Variants in TENT5D observed in about 807,000 individuals in gnomAD.
TENT5D encodes terminal nucleotidyltransferase 5D.
For missense variants in TENT5D, 191 were observed against 287.0 expected (o/e 0.67, Z 2.42); for synonymous variants, 103 against 100.6 (o/e 1.02, Z -0.15).
At chrX:80,402,505 CT>C (rs2147546304) in intron 3 of TENT5D, among the ~76,000 whole-genome samples, 1 of 111,607 alleles carries the variant, frequency 9.0e-6, no homozygotes, top group African/African-American at 3.2e-5. Flanking sequence ...TTGCAGTCTT[CT>C]TTTTTGATAT....
intron 3 of TENT5D, among the ~76,000 whole-genome samples, chrX:80,400,941 A>G (rs746545327): frequency 6.3e-5 from 7 of 111,431 alleles, no homozygotes; most frequent in South Asian, 7.5e-4. Flanking sequence ...TTATTTTTCT[A>G]TATGTTTGAA....
chrX:80,431,358 A>T (rs1474717006), intron 1 of TENT5D, among the ~76,000 whole-genome samples: 1 of 111,815 alleles, frequency 8.9e-6, no homozygotes, highest in African/African-American at 3.3e-5. Flanking sequence ...CTCCCCAAGG[A>T]GAAAAATTCC....
At chrX:80,443,588 A>G (rs765671795) in exon 3 of TENT5D, 3 of 1,210,939 alleles carry the variant, frequency 2.5e-6, no homozygotes, top group Non-Finnish European at 3.4e-6. Flanking sequence ...TGCTTTTATC[A>G]GCCTGCTCCG....
chrX:80,357,471 G>A (rs1228524596), intron 3 of TENT5D, among the ~76,000 whole-genome samples: 1 of 109,549 alleles, frequency 9.1e-6, no homozygotes, highest in African/African-American at 3.3e-5. Context: ...GTGTGAGATG[G>A]TATCTCATTG....
chrX:80,397,179 G>A (rs1159522400), intron 3 of TENT5D, among the ~76,000 whole-genome samples: 9 of 104,843 alleles, frequency 8.6e-5, no homozygotes, highest in South Asian at 4.6e-4. Flanking sequence ...CAGATGGGGC[G>A]GTTGCCAGGT....
chrX:80,351,724 A>T (rs1930182459), intron 3 of TENT5D, among the ~76,000 whole-genome samples: 2 of 110,147 alleles, frequency 1.8e-5, no homozygotes, highest in African/African-American at 6.6e-5. Context: ...GGAGGAGAGG[A>T]GGCGTTCCGG....
intron 3 of TENT5D, among the ~76,000 whole-genome samples, chrX:80,387,398 G>A (rs748383537): frequency 1.1e-3 from 125 of 111,791 alleles, no homozygotes; most frequent in African/African-American, 3.7e-3. Flanking sequence ...CCAGATATTC[G>A]AAGGAACTTG....
At chrX:80,394,973 A>G (rs1236414135) in intron 3 of TENT5D, among the ~76,000 whole-genome samples, 5 of 111,600 alleles carry the variant, frequency 4.5e-5, no homozygotes, top group Non-Finnish European at 9.4e-5. Flanking sequence ...TATTTCTCCT[A>G]TCTAATTGTA....
At chrX:80,426,492 A>G (rs1203060462) in intron 1 of TENT5D, among the ~76,000 whole-genome samples, 1 of 111,262 alleles carries the variant, frequency 9.0e-6, no homozygotes, top group Non-Finnish European at 1.9e-5. Context: ...ATTTTTACAA[A>G]CCTTTTATAA....
intron 2 of TENT5D, among the ~76,000 whole-genome samples, chrX:80,339,826 G>A (rs948859259): frequency 1.3e-4 from 14 of 107,730 alleles, no homozygotes; most frequent in South Asian, 8.1e-4. Flanking sequence ...CAAATATCAC[G>A]TTTGGTGATT....
intron 3 of TENT5D, among the ~76,000 whole-genome samples, chrX:80,371,507 T>C (rs1293468153): frequency 2.7e-5 from 3 of 111,738 alleles, no homozygotes; most frequent in Non-Finnish European, 5.6e-5. Flanking sequence ...CTTCTTCCAA[T>C]AGAAGGCTTT....
At chrX:80,373,473 A>G (rs962387218) in intron 3 of TENT5D, among the ~76,000 whole-genome samples, 2 of 111,602 alleles carry the variant, frequency 1.8e-5, no homozygotes, top group Non-Finnish European at 3.8e-5. Flanking sequence ...TTGACCATTT[A>G]GAGGCCATTG....
At chrX:80,395,352 T>C (rs1457283116) in intron 3 of TENT5D, among the ~76,000 whole-genome samples, 2 of 112,248 alleles carry the variant, frequency 1.8e-5, no homozygotes, top group South Asian at 3.7e-4. Flanking sequence ...CTTTGACATA[T>C]TGATTTCATT....
At chrX:80,410,912 C>T (rs1277847005) in intron 3 of TENT5D, among the ~76,000 whole-genome samples, 1 of 105,935 alleles carries the variant, frequency 9.4e-6, no homozygotes, top group African/African-American at 3.5e-5. Context: ...TACTATGCAG[C>T]CATAGAAAAT....
At chrX:80,386,378 G>A (rs920527733) in intron 3 of TENT5D, among the ~76,000 whole-genome samples, 1 of 110,301 alleles carries the variant, frequency 9.1e-6, no homozygotes, top group Admixed American at 9.7e-5. Flanking sequence ...GACACAGGAA[G>A]GGGAACATCA....
At chrX:80,398,200 C>T (rs1931323220) in intron 3 of TENT5D, among the ~76,000 whole-genome samples, 1 of 111,659 alleles carries the variant, frequency 9.0e-6, no homozygotes, top group South Asian at 3.7e-4. Context: ...TATCTGTTGG[C>T]CATTTGTTTG....
upstream of TENT5D, among the ~76,000 whole-genome samples, chrX:80,417,440 GTTTT>G (rs57010295): frequency 4.3e-5 from 4 of 92,701 alleles, no homozygotes; most frequent in Non-Finnish European, 8.6e-5. Flanking sequence ...GCTGGTAATA[GTTTT>G]TTTTTTTTTT....
chrX:80,407,970 T>A (rs1234254407), intron 3 of TENT5D, among the ~76,000 whole-genome samples: 1 of 110,953 alleles, frequency 9.0e-6, no homozygotes, highest in African/African-American at 3.3e-5. Flanking sequence ...CTCAACTACA[T>A]GGAAACTGAA....
chrX:80,378,923 G>A (rs1161032796), intron 3 of TENT5D, among the ~76,000 whole-genome samples: 4 of 109,725 alleles, frequency 3.6e-5, no homozygotes, highest in Admixed American at 2.9e-4. Context: ...AGTGGTGAGA[G>A]AAGGCATCCC....
Sources: allele counts gnomAD v4.1 joint callset (sites outside exome capture counted in the v4.1 genomes callset), GRCh38; gene constraint gnomAD v4.1.1; transcripts MANE v1.5; gene names NCBI Gene and HGNC (gene_info 2026-07-23, HGNC 2026-07-21).